The following JAZF1 variants were observed in gnomAD, a reference collection of about 807,000 sequenced individuals.
The protein encoded by JAZF1 is JAZF zinc finger 1.
Under a neutral mutation model 26.4 loss-of-function variants are expected in JAZF1, and 8 were observed. The ratio of observed to expected loss-of-function variants is 0.30; its 90% CI spans 0.18 to 0.55. JAZF1 has a LOEUF of 0.55. Ranked by LOEUF, JAZF1 falls within the 20% of genes least tolerant of loss-of-function variation. JAZF1 has a pLI of 0.94. For missense variants in JAZF1, 199 were observed against 322.0 expected, an observed-to-expected ratio of 0.62 and a Z score of 2.92; for synonymous variants, 126 against 122.3, an observed-to-expected ratio of 1.03 and a Z score of -0.20.
chr7:27,949,192 G>T (rs1784968213), intron 2 of JAZF1, among the ~76,000 whole-genome samples: 1 of 152,204 alleles, frequency 6.6e-6, no homozygotes, highest in African/African-American at 2.4e-5. Flanking sequence ...AGGCCAGGGA[G>T]AGTTGAGGAG....
chr7:27,970,784 T>G (rs1785360850), intron 2 of JAZF1, among the ~76,000 whole-genome samples: 1 of 152,254 alleles, frequency 6.6e-6, no homozygotes, highest in African/African-American at 2.4e-5. Flanking sequence ...AGCATTTTAA[T>G]GTAACTGGTT....
chr7:28,162,570 A>AATC (rs1783310331), intron 1 of JAZF1, among the ~76,000 whole-genome samples: 2 of 152,232 alleles, frequency 1.3e-5, no homozygotes, highest in African/African-American at 4.8e-5. Flanking sequence ...CAACAAGCTA[A>AATC]ATGGTAAGAT....
intron 1 of JAZF1, among the ~76,000 whole-genome samples, chr7:28,113,825 C>A (rs373377876): frequency 6.6e-6 from 1 of 152,170 alleles, no homozygotes; most frequent in South Asian, 2.1e-4. Flanking sequence ...CCTCATTCAG[C>A]TGATTATGAG....
chr7:27,868,080 C>T (rs1170448149), intron 3 of JAZF1, among the ~76,000 whole-genome samples: 1 of 152,176 alleles, frequency 6.6e-6, no homozygotes, highest in African/African-American at 2.4e-5. Context: ...TGCTACAGAG[C>T]CCACTTCAGA....
chr7:28,080,607 A>T (rs1251836045), intron 1 of JAZF1, among the ~76,000 whole-genome samples: 1 of 152,186 alleles, frequency 6.6e-6, no homozygotes, highest in Non-Finnish European at 1.5e-5. Flanking sequence ...ACAGGTCATC[A>T]TAAGGTTATT....
intron 2 of JAZF1, among the ~76,000 whole-genome samples, chr7:27,896,400 CAT>C (rs1355090745): frequency 6.6e-6 from 1 of 152,154 alleles, no homozygotes; most frequent in Non-Finnish European, 1.5e-5. Flanking sequence ...CCATAGAAAG[CAT>C]AGTCCATAAA....
At chr7:27,983,569 G>A (rs1241352971) in intron 2 of JAZF1, among the ~76,000 whole-genome samples, 1 of 152,118 alleles carries the variant, frequency 6.6e-6, no homozygotes, top group Admixed American at 6.5e-5. Flanking sequence ...ACCAAGGCAG[G>A]CCAACATTCA....
intron 1 of JAZF1, among the ~76,000 whole-genome samples, chr7:28,145,510 T>G (rs1462041256): frequency 2.6e-5 from 4 of 152,246 alleles, no homozygotes; most frequent in Non-Finnish European, 5.9e-5. Context: ...CACCATAGTT[T>G]CTTGTAGGCA....
Position 28,130,949 on chromosome 7 carries a change from C to T in JAZF1, c.115+49514G>A, listed in dbSNP as rs545794071. Among the ~76,000 whole-genome samples the T allele has an allele frequency of 9.9e-5, 15 of 152,198 alleles. No individual in the cohort carries two copies. The South Asian group carries it at 2.9e-3, about 29-fold the overall frequency. On this transcript the variant is annotated intron_variant, in intron 1 of 4. Coordinates refer to ENST00000283928, the MANE Select transcript of JAZF1 (RefSeq NM_175061.4). ...TACAATGGAATCAGACCCATGGATCCCTCACTACCATCATGAAAAGTTATA... is the reference window on the plus strand; with the variant it reads ...TACAATGGAATCAGACCCATGGATCTCTCACTACCATCATGAAAAGTTATA...
chr7:28,132,142 T>C (rs1305950559), intron 1 of JAZF1, among the ~76,000 whole-genome samples: 1 of 152,244 alleles, frequency 6.6e-6, no homozygotes, highest in Non-Finnish European at 1.5e-5. Context: ...AGTGCTCATT[T>C]TGAAAACATG....
intron 1 of JAZF1, among the ~76,000 whole-genome samples, chr7:28,124,544 A>G (rs1041693004): frequency 2.0e-5 from 3 of 152,308 alleles, no homozygotes; most frequent in South Asian, 4.1e-4. Context: ...TGAGGCTCAA[A>G]GCCACAGAGG....
intron 1 of JAZF1, among the ~76,000 whole-genome samples, chr7:28,147,135 T>G (rs1445890527): frequency 6.7e-6 from 1 of 149,144 alleles, no homozygotes; most frequent in Non-Finnish European, 1.5e-5. Flanking sequence ...CATGAGCCAG[T>G]GCACCTGGCC....
chr7:28,046,661 T>C (rs1197772012), intron 1 of JAZF1, among the ~76,000 whole-genome samples: 1 of 152,240 alleles, frequency 6.6e-6, no homozygotes, highest in Non-Finnish European at 1.5e-5. Context: ...GTGCTGGACA[T>C]TGCCAATCAT....
intron 2 of JAZF1, among the ~76,000 whole-genome samples, chr7:27,940,399 C>T (rs1384076013): frequency 6.6e-6 from 1 of 152,146 alleles, no homozygotes; most frequent in African/African-American, 2.4e-5. Context: ...ACCTCACAGT[C>T]CTTCTGCCTC....
chr7:27,975,887 T>C (rs983105825), intron 2 of JAZF1, among the ~76,000 whole-genome samples: 2 of 152,216 alleles, frequency 1.3e-5, no homozygotes, highest in Non-Finnish European at 2.9e-5. Context: ...TGTAGACTAC[T>C]GGAGGCACAG....
At chr7:28,057,203 A>C (rs1000770848) in intron 1 of JAZF1, among the ~76,000 whole-genome samples, 1 of 152,220 alleles carries the variant, frequency 6.6e-6, no homozygotes, top group Non-Finnish European at 1.5e-5. Flanking sequence ...CAATTTGCTA[A>C]ATAAATGAAT....
intron 1 of JAZF1, among the ~76,000 whole-genome samples, chr7:28,162,486 C>T (rs1348724239): frequency 1.3e-5 from 2 of 152,204 alleles, no homozygotes; most frequent in Non-Finnish European, 2.9e-5. Context: ...TTTGTTACAA[C>T]AGCTGAACTT....
At chr7:27,984,431 C>T (rs1785655137) in intron 2 of JAZF1, among the ~76,000 whole-genome samples, 1 of 152,202 alleles carries the variant, frequency 6.6e-6, no homozygotes. Context: ...GCACCCAATA[C>T]AGGATCACCA....
At chr7:27,984,629 C>T (rs1785659850) in intron 2 of JAZF1, among the ~76,000 whole-genome samples, 2 of 152,222 alleles carry the variant, frequency 1.3e-5, no homozygotes, top group South Asian at 4.1e-4. Flanking sequence ...GAACTCTCCA[C>T]CCCAAATCAG....
Sources: allele counts gnomAD v4.1 joint callset (sites outside exome capture counted in the v4.1 genomes callset), GRCh38; gene constraint gnomAD v4.1.1; transcripts MANE v1.5; gene names NCBI Gene and HGNC (gene_info 2026-07-23, HGNC 2026-07-21).